The following FHIT variants were observed in gnomAD, a reference collection of about 807,000 sequenced individuals.
The protein encoded by FHIT is bis(5'-adenosyl)-triphosphatase.
In FHIT, 19 loss-of-function variants were observed where a neutral mutation model predicts 17.9. That is an observed-to-expected ratio of 1.06 (90% confidence interval 0.74 to 1.56). The LOEUF (loss-of-function observed/expected upper bound fraction) is 1.56, where lower values mean the gene tolerates loss of function less well. Among genes scored for constraint, FHIT ranks in the 40% most tolerant of loss-of-function variants. FHIT has a pLI of 0.00. For synonymous variants in FHIT, 81 were observed against 69.7 expected, an observed-to-expected ratio of 1.16 and a Z score of -0.81; for missense variants, 248 against 189.2, an observed-to-expected ratio of 1.31 and a Z score of -1.82.
chr3:60,362,746 A>C (rs1699953482), intron 5 of FHIT, among the ~76,000 whole-genome samples: 1 of 152,202 alleles, frequency 6.6e-6, no homozygotes, highest in South Asian at 2.1e-4. Context: ...TTCTTCATCA[A>C]TAAAACGTGG....
chr3:60,704,010 C>A (rs536501686), intron 4 of FHIT, among the ~76,000 whole-genome samples: 1 of 152,014 alleles, frequency 6.6e-6, no homozygotes, highest in Admixed American at 6.6e-5. Context: ...AAAAATCTAG[C>A]CGTACCAGTA....
chr3:59,896,136 C>T (rs1575658243), intron 8 of FHIT, among the ~76,000 whole-genome samples: 1 of 152,336 alleles, frequency 6.6e-6, no homozygotes, highest in East Asian at 1.9e-4. Context: ...TACGCTTGTA[C>T]ACTGGCATCC....
At chr3:60,096,164 C>G (rs1006951667) in intron 5 of FHIT, among the ~76,000 whole-genome samples, 8 of 152,140 alleles carry the variant, frequency 5.3e-5, no homozygotes, top group Admixed American at 3.3e-4. Context: ...GACTTGCACA[C>G]TAGTTCCCAA....
chr3:59,907,887 C>T (rs1404759078), intron 8 of FHIT, among the ~76,000 whole-genome samples: 2 of 152,160 alleles, frequency 1.3e-5, no homozygotes, highest in African/African-American at 4.8e-5. Flanking sequence ...GCCTGAATTC[C>T]CTGGCTTATG....
chr3:60,773,380 A>G (rs1700110954), intron 4 of FHIT, among the ~76,000 whole-genome samples: 1 of 152,202 alleles, frequency 6.6e-6, no homozygotes, highest in African/African-American at 2.4e-5. Context: ...CCATAATCAT[A>G]TGGGTATCTG....
intron 4 of FHIT, among the ~76,000 whole-genome samples, chr3:60,816,154 T>C (rs964429957): frequency 6.6e-6 from 1 of 151,968 alleles, no homozygotes; most frequent in Non-Finnish European, 1.5e-5. Flanking sequence ...CGTCTTTGAG[T>C]TTTTTAGGAA....
At chr3:60,484,948 A>T (rs2033771754) in intron 5 of FHIT, among the ~76,000 whole-genome samples, 1 of 152,182 alleles carries the variant, frequency 6.6e-6, no homozygotes, top group African/African-American at 2.4e-5. Flanking sequence ...AGGAACTTAA[A>T]CAAATTTACA....
At chr3:60,058,229 C>T (rs972464239) in intron 5 of FHIT, among the ~76,000 whole-genome samples, 1 of 147,314 alleles carries the variant, frequency 6.8e-6, no homozygotes, top group African/African-American at 2.5e-5. Context: ...ACTGCAATCT[C>T]CGCCTCCTGG....
rs570272647 is a variant in FHIT at position 60,301,721 on chromosome 3, C to T, written c.103+235139G>A. ...TAGCAAAATAAGTGATTAGGATAAA[C>T]ATTGAAAATTTTACACCTAATTTTA... On this transcript the variant is annotated intron_variant, in intron 5 of 9. Coordinates refer to ENST00000492590, the MANE Select transcript of FHIT (RefSeq NM_002012.4). Among the ~76,000 whole-genome samples, 37 of 152,196 alleles carry T rather than the reference C, an allele frequency of 2.4e-4. 1 individual carries two copies. The South Asian group carries it at 6.2e-3, about 26-fold the overall frequency.
rs75165089 is a variant in FHIT at position 59,775,961 on chromosome 3, A to T, written c.349-23640T>A. Among the ~76,000 whole-genome samples the T allele has an allele frequency of 4.4e-4, 67 of 152,270 alleles. 1 individual carries two copies. The highest frequency in any genetic ancestry group is 1.4e-3 in the African/African-American group (57 of 41,554). On this transcript the variant is annotated intron_variant, in intron 8 of 9. Coordinates refer to ENST00000492590, the MANE Select transcript of FHIT (RefSeq NM_002012.4). The stretch of plus-strand genomic sequence containing the variant: ...TGAAGCCCCATTAAAGCCTTTTTTG[A>T]TTCTCATTCTCCATGATGGAGCACA...
At chr3:60,430,604 C>G (rs1029374169) in intron 5 of FHIT, among the ~76,000 whole-genome samples, 25 of 152,180 alleles carry the variant, frequency 1.6e-4, no homozygotes, top group African/African-American at 6.0e-4. Context: ...ATCATTCTCT[C>G]TCTAAGGCAG....
intron 5 of FHIT, among the ~76,000 whole-genome samples, chr3:60,464,069 C>T (rs754279862): frequency 6.6e-6 from 1 of 152,064 alleles, no homozygotes; most frequent in Non-Finnish European, 1.5e-5. Context: ...GCCTTGAAAT[C>T]CTGTGAAAAA....
chr3:60,330,519 C>CT (rs1186187305), intron 5 of FHIT, among the ~76,000 whole-genome samples: 1 of 152,222 alleles, frequency 6.6e-6, no homozygotes. Flanking sequence ...TACGTCTGCA[C>CT]TTTCAGCATG....
chr3:61,028,596 G>A (rs548844544), intron 3 of FHIT, among the ~76,000 whole-genome samples: 3 of 152,292 alleles, frequency 2.0e-5, no homozygotes, highest in African/African-American at 7.2e-5. Flanking sequence ...CTAACTGTGT[G>A]AACACGTCCA....
At chr3:60,169,001 G>C (rs1314607501) in intron 5 of FHIT, among the ~76,000 whole-genome samples, 2 of 152,192 alleles carry the variant, frequency 1.3e-5, no homozygotes, top group African/African-American at 2.4e-5. Context: ...CAGAGCACTT[G>C]AAATACAGTT....
chr3:59,828,843 C>CTGTGTGTGTGTGTGTGTGTGTGTG lies in FHIT; in HGVS notation c.349-76523_349-76522insCACACACACACACACACACACACA, dbSNP rs10637442. ...TTTTGTTTTTTTAACCAATGGTACT[C>CTGTGTGTGTGTGTGTGTGTGTGTG]TCTCTGTGTGTGTGTGTGTGTGTGT... On this transcript the variant is annotated intron_variant, in intron 8 of 9. Coordinates refer to ENST00000492590, the MANE Select transcript of FHIT (RefSeq NM_002012.4). 2.7e-5 allele frequency among the ~76,000 whole-genome samples: 4 copies of CTGTGTGTGTGTGTGTGTGTGTGTG among 146,860 alleles called. No homozygotes were observed. In the South Asian group the frequency reaches 8.7e-4, roughly 32 times the overall value.
At chr3:59,979,927 C>A (rs1168399684) in intron 7 of FHIT, among the ~76,000 whole-genome samples, 5 of 152,128 alleles carry the variant, frequency 3.3e-5, no homozygotes, top group African/African-American at 9.7e-5. Flanking sequence ...CTTCTCCAGT[C>A]CTTCCCAGCA....
chr3:60,045,897 C>G (rs1701634763), intron 5 of FHIT, among the ~76,000 whole-genome samples: 1 of 152,168 alleles, frequency 6.6e-6, no homozygotes, highest in Non-Finnish European at 1.5e-5. Context: ...AGATCACCAG[C>G]AGGAGTCTGC....
rs140874534 is a variant in FHIT at position 60,698,357 on chromosome 3, C to T, written c.-18+123562G>A. 4.9e-3 allele frequency among the ~76,000 whole-genome samples: 743 copies of T among 152,210 alleles called. 2 individuals are homozygous for T. The highest frequency in any genetic ancestry group is 8.5e-3 in the Non-Finnish European group (575 of 67,990). Reference sequence around the variant, plus strand: ...AGGCGTTTCAGGAATATAAATCAGGCTTTTGTCCCATACCTTCAGTCATGA... The same window carrying T: ...AGGCGTTTCAGGAATATAAATCAGGTTTTTGTCCCATACCTTCAGTCATGA... On this transcript the variant is annotated intron_variant, in intron 4 of 9. Coordinates refer to ENST00000492590, the MANE Select transcript of FHIT (RefSeq NM_002012.4).
Sources: gnomAD v4.1 joint callset for allele counts (sites outside exome capture counted in the v4.1 genomes callset) on GRCh38, gnomAD v4.1.1 for gene constraint, MANE v1.5 for transcripts, NCBI Gene and HGNC (gene_info 2026-07-23, HGNC 2026-07-21) for gene names.